Variants in TBCCD1 observed in about 807,000 individuals in gnomAD.
The protein encoded by TBCCD1 is TBCC domain containing 1, also known as TBCC domain-containing protein 1.
In TBCCD1, 26 loss-of-function variants were observed where a neutral mutation model predicts 53.4. That is an observed-to-expected ratio of 0.49 (90% CI 0.36 to 0.68). The LOEUF (loss-of-function observed/expected upper bound fraction) is 0.68, where lower values mean the gene tolerates loss of function less well. Ranked by LOEUF, TBCCD1 falls within the 30% of genes least tolerant of loss-of-function variation. The probability of loss-of-function intolerance (pLI) is 0.00; values close to 1 mark genes in which losing one functional copy is unlikely to be tolerated. For synonymous variants in TBCCD1, 245 were observed against 241.7 expected (o/e 1.01, Z -0.13); for missense variants, 558 against 669.5 (o/e 0.83, Z 1.84).
In TBCCD1 at chr3:186,564,237, G is replaced by A; in HGVS notation, c.93C>T (p.His31=). 1 of 1,614,184 alleles carries A rather than the reference G, an allele frequency of 6.2e-7. No individual in the cohort carries two copies. The highest frequency in any genetic ancestry group is 8.5e-7 in the Non-Finnish European group (1 of 1,180,032). Residue 31 remains histidine (H), a synonymous_variant, in exon 2 of 8, where the codon CAC becomes CAT. Coordinates refer to ENST00000338733, the MANE Select transcript of TBCCD1 (RefSeq NM_018138.5). ...QVPPPSKFSL[H]YLRKISTYVQ... is the part of the protein sequence containing the mutation. The stretch of plus-strand genomic sequence containing the variant: ...CATAGGTGGATATCTTCCTGAGATA[G>A]TGAAGACTAAACTTGGATGGAGGGG...
At chr3:186,558,278 TAAA>T in intron 3 of TBCCD1, 136 bp downstream of exon 3, 1 of 1,085,382 alleles carries the variant, frequency 9.2e-7, no homozygotes, top group Non-Finnish European at 1.3e-6. Flanking sequence ...TTTTATAATT[TAAA>T]AAAAAAGTGA....
chr3:186,547,400 C>A (rs934116461), intron 7 of TBCCD1, among the ~76,000 whole-genome samples: 1 of 151,744 alleles, frequency 6.6e-6, no homozygotes, highest in Admixed American at 6.6e-5. Context: ...GGATTACAGG[C>A]ATGTGCCACC....
intron 7 of TBCCD1, among the ~76,000 whole-genome samples, chr3:186,548,374 A>G (rs1401444899): frequency 6.6e-6 from 1 of 152,214 alleles, no homozygotes; most frequent in African/African-American, 2.4e-5. Context: ...GGGTTGGAGG[A>G]ATAAGGAGTG....
intron 2 of TBCCD1, 91 bp downstream of exon 2, chr3:186,563,903 A>T: frequency 7.0e-7 from 1 of 1,418,554 alleles, no homozygotes. Flanking sequence ...GTTTCTATCT[A>T]AAAATTGTAA....
At chr3:186,555,366 C>T (rs1714508086) in intron 4 of TBCCD1, among the ~76,000 whole-genome samples, 1 of 152,122 alleles carries the variant, frequency 6.6e-6, no homozygotes, top group Non-Finnish European at 1.5e-5. Flanking sequence ...GTCTACGCTT[C>T]AAGTTAAGGT....
rs1379988556 is a variant in TBCCD1 at position 186,554,612 on chromosome 3, T to C, written c.1186A>G (p.Ile396Val). ...RLSISSTTGC[I>V]FHVLTPTRPL... The stretch of plus-strand genomic sequence containing the variant: ...CGTGTAGGCGTAAGAACGTGAAAGA[T>C]GCAACCTGTTGTAGAAGAGATGGAC... The change falls in exon 6 of 8, where the codon ATC becomes GTC. Residue 396 changes from isoleucine to valine, a missense_variant. Physicochemically the swap from Ile to Val is conservative, Grantham distance 29. Transcript: ENST00000338733. 1 of 1,614,150 alleles carries C rather than the reference T, an allele frequency of 6.2e-7. No individual in the cohort carries two copies. Among genetic ancestry groups the C allele is most frequent in the South Asian group, 1.1e-5 (1 of 91,076 alleles).
chr3:186,563,891 C>G (rs1189154659), intron 2 of TBCCD1, 103 bp downstream of exon 2: 1 of 1,353,000 alleles, frequency 7.4e-7, no homozygotes, highest in African/African-American at 1.5e-5. Context: ...AAGTGAAACT[C>G]TGTTTCTATC....
intron 2 of TBCCD1, among the ~76,000 whole-genome samples, chr3:186,561,250 C>T (rs1027239865): frequency 1.3e-5 from 2 of 152,032 alleles, no homozygotes; most frequent in Admixed American, 6.6e-5. Flanking sequence ...GCAAGAAAAA[C>T]CAAATAACCT....
chr3:186,547,003 T>G (rs1253105085), intron 7 of TBCCD1, 48 bp from the exon 8 acceptor site: 1 of 152,140 alleles, frequency 6.6e-6, no homozygotes, highest in East Asian at 1.9e-4. Context: ...TTTCTATTGC[T>G]TCATGTAAAT....
At chr3:186,566,996 G>A (rs979693342) in intron 1 of TBCCD1, among the ~76,000 whole-genome samples, 1 of 152,226 alleles carries the variant, frequency 6.6e-6, no homozygotes, top group Non-Finnish European at 1.5e-5. Flanking sequence ...CCCTGGCGGT[G>A]CCCTGAGGTT....
chr3:186,559,532 C>T (rs1473962581), intron 2 of TBCCD1, among the ~76,000 whole-genome samples: 1 of 152,154 alleles, frequency 6.6e-6, no homozygotes. Context: ...CACCCCCATA[C>T]AGGAGAGGCA....
In TBCCD1 at chr3:186,554,618, C is replaced by T; in HGVS notation, c.1180G>A (p.Gly394Ser). ...GGCGTAAGAACGTGAAAGATGCAAC[C>T]TGTTGTAGAAGAGATGGACAAACGA... ...CHRLSISSTTGCIFHVLTPTR... is the reference protein window; with the variant it reads ...CHRLSISSTTSCIFHVLTPTR... The change falls in exon 6 of 8, where the codon GGT becomes AGT. Residue 394 changes from glycine to serine, a missense_variant. Transcript: ENST00000338733. 1 of 1,614,010 alleles carries T rather than the reference C, an allele frequency of 6.2e-7. No individual in the cohort carries two copies. The highest frequency in any genetic ancestry group is 8.5e-7 in the Non-Finnish European group (1 of 1,179,974).
chr3:186,569,225 T>C (rs553940535), upstream of TBCCD1, among the ~76,000 whole-genome samples: 79 of 152,280 alleles, frequency 5.2e-4, no homozygotes, highest in African/African-American at 1.9e-3. Flanking sequence ...TAAACTAGCA[T>C]GGAGTTGGGA....
At chr3:186,562,732 G>C (rs536553945) in intron 2 of TBCCD1, among the ~76,000 whole-genome samples, 3 of 150,676 alleles carry the variant, frequency 2.0e-5, no homozygotes, top group Admixed American at 6.6e-5. Flanking sequence ...AAAGAGGAGG[G>C]GGAACCTATG....
chr3:186,566,536 G>A (rs1714837076), intron 1 of TBCCD1, among the ~76,000 whole-genome samples: 1 of 152,194 alleles, frequency 6.6e-6, no homozygotes, highest in Admixed American at 6.5e-5. Flanking sequence ...GCGAAGTTAA[G>A]GGATTTCCCT....
In TBCCD1 at chr3:186,567,314, G is replaced by C. The variant is rs181998850; in HGVS notation, c.-91C>G. 2 of 152,702 alleles carry C rather than the reference G, an allele frequency of 1.3e-5. No homozygotes were observed. Among genetic ancestry groups the C allele is most frequent in the African/African-American group, 4.8e-5 (2 of 41,434 alleles). 9.5% of individuals were successfully genotyped at this position (152,702 alleles called of 1,614,324 possible). A position where few individuals can be genotyped will look rare whatever the true frequency, so the allele number is the denominator to read the frequency against. ...GCCGCACTTCTCCGCGCGCCGCCGC[G>C]CCCGGCGTCCGCTCGCTGGGCCCGC... On this transcript the variant is annotated 5_prime_UTR_variant, in exon 1 of 8. Coordinates refer to ENST00000338733, the MANE Select transcript of TBCCD1 (RefSeq NM_018138.5).
At chr3:186,551,363 T>C in intron 6 of TBCCD1, 84 bp from the exon 7 acceptor site, 1 of 1,260,720 alleles carries the variant, frequency 7.9e-7, no homozygotes, top group Admixed American at 2.3e-5. Context: ...AATATTTTAA[T>C]AGGATAATGT....
At chr3:186,555,708 G>A (rs769155294) in intron 4 of TBCCD1, among the ~76,000 whole-genome samples, 2 of 152,078 alleles carry the variant, frequency 1.3e-5, no homozygotes, top group African/African-American at 2.4e-5. Flanking sequence ...ACCAGTGCAT[G>A]CCACCACGCC....
chr3:186,548,367 T>C (rs577706842), intron 7 of TBCCD1, among the ~76,000 whole-genome samples: 3 of 152,084 alleles, frequency 2.0e-5, no homozygotes, highest in Non-Finnish European at 4.4e-5. Flanking sequence ...AATGTAGGGG[T>C]TGGAGGAATA....
Sources: gnomAD v4.1 joint callset for allele counts (sites outside exome capture counted in the v4.1 genomes callset) on GRCh38, gnomAD v4.1.1 for gene constraint, MANE v1.5 for transcripts, NCBI Gene and HGNC (gene_info 2026-07-23, HGNC 2026-07-21) for gene names.